Variants in AFG2A observed in about 807,000 individuals in gnomAD.
The protein encoded by AFG2A is AAA ATPase AFG2A.
At chr4:123,294,170 C>G in the AFG2A span, among the ~76,000 whole-genome samples, 2 of 152,174 alleles carry the variant, frequency 1.3e-5, no homozygotes, top group Non-Finnish European at 2.9e-5. Context: ...CTGAACTGAA[C>G]TTCCTCTGGT....
the AFG2A span, among the ~76,000 whole-genome samples, chr4:123,080,943 A>T: frequency 6.6e-6 from 1 of 151,438 alleles, no homozygotes; most frequent in South Asian, 2.1e-4. Context: ...TTCTAAATAG[A>T]CTTTTTTTTT....
chr4:123,317,674 G>A, the AFG2A span: 1 of 152,138 alleles, frequency 6.6e-6, no homozygotes, highest in Non-Finnish European at 1.5e-5. Flanking sequence ...TTTTTAAGTA[G>A]TAAGAACCCG....
chr4:123,056,244 AC>A, the AFG2A span: 2 of 707,310 alleles, frequency 2.8e-6, no homozygotes, highest in Non-Finnish European at 4.3e-6. Context: ...CAAATAACAA[AC>A]AGAGAAAATA....
At chr4:123,160,800 T>G in the AFG2A span, among the ~76,000 whole-genome samples, 1 of 152,058 alleles carries the variant, frequency 6.6e-6, no homozygotes, top group African/African-American at 2.4e-5. Flanking sequence ...ATGGGTTATA[T>G]TAACTGCTAT....
At chr4:123,099,543 A>T in the AFG2A span, among the ~76,000 whole-genome samples, 2 of 150,340 alleles carry the variant, frequency 1.3e-5, no homozygotes, top group Non-Finnish European at 1.5e-5. Flanking sequence ...TTTTTTTTTT[A>T]AAGATTGTTT....
the AFG2A span, among the ~76,000 whole-genome samples, chr4:123,067,265 T>C: frequency 6.6e-6 from 1 of 152,096 alleles, no homozygotes; most frequent in Admixed American, 6.6e-5. Context: ...ACACCTGTAA[T>C]CCCAGCACTT....
At chr4:123,076,427 C>G in the AFG2A span, among the ~76,000 whole-genome samples, 1 of 151,986 alleles carries the variant, frequency 6.6e-6, no homozygotes, top group Non-Finnish European at 1.5e-5. Flanking sequence ...ATTCTTTTAA[C>G]TTAGTTATCT....
At chr4:123,139,449 T>G in the AFG2A span, among the ~76,000 whole-genome samples, 1 of 152,106 alleles carries the variant, frequency 6.6e-6, no homozygotes, top group Non-Finnish European at 1.5e-5. Context: ...TTTAAAGATT[T>G]GAGAAAATCA....
the AFG2A span, among the ~76,000 whole-genome samples, chr4:123,085,432 C>T: frequency 6.6e-6 from 1 of 152,034 alleles, no homozygotes; most frequent in Non-Finnish European, 1.5e-5. Context: ...GACAATTTAC[C>T]CTTTTATCAT....
At chr4:123,050,902 G>A in the AFG2A span, among the ~76,000 whole-genome samples, 5 of 151,816 alleles carry the variant, frequency 3.3e-5, no homozygotes, top group African/African-American at 4.8e-5. Context: ...CTGCCACCAC[G>A]CCCAGCTAAT....
At chr4:122,977,206 T>G in the AFG2A span, among the ~76,000 whole-genome samples, 1 of 152,316 alleles carries the variant, frequency 6.6e-6, no homozygotes, top group African/African-American at 2.4e-5. Context: ...CCGAGTTATA[T>G]CCTCGGGCCC....
the AFG2A span, among the ~76,000 whole-genome samples, chr4:123,301,542 GA>G: frequency 2.6e-5 from 4 of 151,690 alleles, no homozygotes; most frequent in African/African-American, 4.8e-5. Flanking sequence ...TGCTAGATGG[GA>G]AAAAAAAGAA....
the AFG2A span, among the ~76,000 whole-genome samples, chr4:123,088,688 T>C: frequency 6.6e-6 from 1 of 152,270 alleles, no homozygotes; most frequent in Non-Finnish European, 1.5e-5. Flanking sequence ...TCTGATGATT[T>C]AAACGTGTGT....
the AFG2A span, among the ~76,000 whole-genome samples, chr4:123,187,609 T>C: frequency 6.6e-6 from 1 of 152,166 alleles, no homozygotes. Context: ...GACATAATTG[T>C]ATCATTTGGT....
At chr4:123,280,215 T>C in the AFG2A span, among the ~76,000 whole-genome samples, 4 of 152,190 alleles carry the variant, frequency 2.6e-5, no homozygotes, top group Admixed American at 2.0e-4. Flanking sequence ...ATAGTAATAC[T>C]TCATTACTAT....
At chr4:123,216,345 T>G in the AFG2A span, among the ~76,000 whole-genome samples, 1 of 152,172 alleles carries the variant, frequency 6.6e-6, no homozygotes, top group Non-Finnish European at 1.5e-5. Context: ...AGTACTCACC[T>G]TTTGTCCTAT....
chr4:122,926,434 A>G, the AFG2A span, among the ~76,000 whole-genome samples: 1 of 152,190 alleles, frequency 6.6e-6, no homozygotes, highest in East Asian at 1.9e-4. Flanking sequence ...TGTATTATGC[A>G]GTATGTGTTC....
chr4:123,080,963 T>A, the AFG2A span, among the ~76,000 whole-genome samples: 1 of 152,096 alleles, frequency 6.6e-6, no homozygotes, highest in East Asian at 1.9e-4. Context: ...TTTAGAGTAG[T>A]TTTGGGTTCA....
the AFG2A span, among the ~76,000 whole-genome samples, chr4:122,955,465 G>A: frequency 6.6e-6 from 1 of 152,144 alleles, no homozygotes; most frequent in African/African-American, 2.4e-5. Context: ...TCAAACCATT[G>A]CAGTTATTTT....
Sources: allele counts gnomAD v4.1 joint callset (sites outside exome capture counted in the v4.1 genomes callset), GRCh38; gene constraint gnomAD v4.1.1; transcripts MANE v1.5; gene names NCBI Gene and HGNC (gene_info 2026-07-23, HGNC 2026-07-21).